FAAH2: variants seen among roughly 807,000 people sequenced by gnomAD.
FAAH2 encodes fatty acid amide hydrolase 2.
A neutral mutation model predicts 36.9 loss-of-function variants in FAAH2; 60 were observed. The observed-to-expected ratio is 1.63, with a 90% CI of 1.32 to 2.02. The LOEUF (loss-of-function observed/expected upper bound fraction) is 2.02, where lower values mean the gene tolerates loss of function less well. FAAH2 is among the 30% of genes most tolerant of loss of function. The pLI, the probability that FAAH2 is intolerant of heterozygous loss-of-function variation, is 0.00. For missense variants in FAAH2, 689 were observed against 397.5 expected, an observed-to-expected ratio of 1.73 and a Z score of -6.23; for synonymous variants, 214 against 143.8, an observed-to-expected ratio of 1.49 and a Z score of -3.49.
chrX:57,194,125 T>C, the FAAH2 span, among the ~76,000 whole-genome samples: 3 of 111,771 alleles, frequency 2.7e-5, no homozygotes, highest in Non-Finnish European at 5.7e-5. Context: ...AAATGTTTGA[T>C]AGAATTCAGC....
At chrX:57,410,125 C>A (rs1266991006) in intron 7 of FAAH2, among the ~76,000 whole-genome samples, 1 of 109,556 alleles carries the variant, frequency 9.1e-6, no homozygotes, top group African/African-American at 3.3e-5. Context: ...ATTAGTTGAC[C>A]CATTTTTTTT....
At chrX:57,185,720 C>G in the FAAH2 span, among the ~76,000 whole-genome samples, 2 of 109,784 alleles carry the variant, frequency 1.8e-5, no homozygotes, top group African/African-American at 3.3e-5. Context: ...CCCCCCACCC[C>G]CCAACAGGCC....
At chrX:57,406,536 T>A (rs2055572004) in intron 7 of FAAH2, among the ~76,000 whole-genome samples, 1 of 112,300 alleles carries the variant, frequency 8.9e-6, no homozygotes, top group Non-Finnish European at 1.9e-5. Flanking sequence ...CAGCAACTTG[T>A]CCTGGACAGG....
At chrX:57,310,823 G>A (rs2052671775) in intron 3 of FAAH2, 94 bp downstream of exon 3, 2 of 911,807 alleles carry the variant, frequency 2.2e-6, no homozygotes, top group Admixed American at 3.4e-5. Context: ...TAAAAGTGAA[G>A]GACAAACTCA....
chrX:57,125,747 C>T, the FAAH2 span, among the ~76,000 whole-genome samples: 1 of 112,017 alleles, frequency 8.9e-6, no homozygotes, highest in East Asian at 2.8e-4. Flanking sequence ...TGTTTAGTCT[C>T]CTATTACTGA....
Position 57,339,958 on chromosome X carries a change from G to A in FAAH2, c.623-1313G>A, listed in dbSNP as rs759268696. Among the ~76,000 whole-genome samples the A allele has an allele frequency of 5.4e-5, 6 of 111,327 alleles. No homozygotes were observed. The East Asian group carries it at 1.4e-3, about 26-fold the overall frequency. Reference sequence around the variant, plus strand: ...AATAGGATAGATTTATACATGAAGGGGAGTTTATTAAAGAGTATTGGCTCA... The same window carrying A: ...AATAGGATAGATTTATACATGAAGGAGAGTTTATTAAAGAGTATTGGCTCA... On this transcript the variant is annotated intron_variant, in intron 4 of 10. Coordinates refer to ENST00000374900, the MANE Select transcript of FAAH2 (RefSeq NM_174912.4).
chrX:57,283,421 C>T (rs891874159), upstream of FAAH2, among the ~76,000 whole-genome samples: 9 of 110,924 alleles, frequency 8.1e-5, no homozygotes, highest in African/African-American at 2.6e-4. Flanking sequence ...AGAGAGTGGG[C>T]TCTTCTTTGT....
intron 10 of FAAH2, among the ~76,000 whole-genome samples, chrX:57,460,109 A>T (rs1454354696): frequency 9.0e-6 from 1 of 111,727 alleles, no homozygotes; most frequent in Non-Finnish European, 1.9e-5. Context: ...GATTAGAGAA[A>T]AAAGAATGAA....
At chrX:57,364,001 C>T (rs750358766) in intron 5 of FAAH2, among the ~76,000 whole-genome samples, 23 of 90,716 alleles carry the variant, frequency 2.5e-4, no homozygotes, top group African/African-American at 8.6e-4. Context: ...TAGATGTCGG[C>T]CTGTAGGGTT....
intron 5 of FAAH2, among the ~76,000 whole-genome samples, chrX:57,377,329 T>C (rs1227807199): frequency 1.8e-5 from 2 of 112,382 alleles, no homozygotes; most frequent in African/African-American, 3.2e-5. Context: ...TTGTATAAGG[T>C]GTAGGAAGTG....
chrX:57,293,523 A>G (rs983364993), intron 2 of FAAH2, among the ~76,000 whole-genome samples: 4 of 112,122 alleles, frequency 3.6e-5, no homozygotes, highest in African/African-American at 1.3e-4. Context: ...TGCCAAGCTT[A>G]CATAACAGAA....
the FAAH2 span, among the ~76,000 whole-genome samples, chrX:57,268,161 C>T: frequency 1.8e-5 from 2 of 111,813 alleles, no homozygotes; most frequent in African/African-American, 6.5e-5. Context: ...ACATAACCAA[C>T]CTGATAGAGC....
intron 7 of FAAH2, among the ~76,000 whole-genome samples, chrX:57,429,867 A>T (rs1450129571): frequency 1.9e-5 from 2 of 106,666 alleles, no homozygotes; most frequent in African/African-American, 3.4e-5. Context: ...GAATAAAGTC[A>T]TTTTTTTTTT....
chrX:57,395,113 T>C, intron 7 of FAAH2: 2 of 542,321 alleles, frequency 3.7e-6, no homozygotes, highest in East Asian at 7.0e-5. Flanking sequence ...TAGAGATAGC[T>C]GCACTACGAA....
chrX:57,240,181 G>A, the FAAH2 span, among the ~76,000 whole-genome samples: 7,835 of 111,136 alleles, frequency 0.07, 691 homozygotes, highest in African/African-American at 0.25. Flanking sequence ...CTTTGAAGTC[G>A]CTCTTCTTTG....
Position 57,299,369 on chromosome X carries a change from A to G in FAAH2, c.275+6789A>G, listed in dbSNP as rs756475677. Among the ~76,000 whole-genome samples, 18 of 112,109 alleles carry G rather than the reference A, an allele frequency of 1.6e-4. No individual in the cohort carries two copies. In the East Asian group the frequency reaches 4.8e-3, roughly 30 times the overall value. On this transcript the variant is annotated intron_variant, in intron 2 of 10. Transcript: ENST00000374900. ...AAGACAAAAACCACATGATTATCTC[A>G]ATAGATGCAGAAAAGGCCTTTGACA...
chrX:57,330,648 C>T (rs944561913), intron 3 of FAAH2, among the ~76,000 whole-genome samples: 18 of 111,541 alleles, frequency 1.6e-4, no homozygotes, highest in African/African-American at 4.9e-4. Context: ...GCTGGTTTTG[C>T]GGCTTGTGGG....
the FAAH2 span, chrX:57,137,595 C>T: frequency 3.5e-5 from 4 of 115,234 alleles, no homozygotes; most frequent in Non-Finnish European, 7.1e-5. Context: ...GCAGATCTGC[C>T]TTTCTTTTCT....
At chrX:57,241,296 G>C in the FAAH2 span, among the ~76,000 whole-genome samples, 10 of 112,356 alleles carry the variant, frequency 8.9e-5, no homozygotes, top group African/African-American at 3.2e-4. Flanking sequence ...AATCAGCAAA[G>C]ATTTTATGAT....
Sources: gnomAD v4.1 joint callset for allele counts (sites outside exome capture counted in the v4.1 genomes callset) on GRCh38, gnomAD v4.1.1 for gene constraint, MANE v1.5 for transcripts, NCBI Gene and HGNC (gene_info 2026-07-23, HGNC 2026-07-21) for gene names.